PCSK6: variants seen among roughly 807,000 people sequenced by gnomAD.
PCSK6 encodes the protein proprotein convertase subtilisin/kexin type 6.
PCSK6 carries 85 observed loss-of-function variants against 123.3 expected under a neutral mutation model. That is an observed-to-expected ratio of 0.69 (90% CI 0.58 to 0.83). PCSK6 has a LOEUF of 0.83. Ranked by LOEUF, PCSK6 falls within the 40% of genes least tolerant of loss-of-function variation. The pLI, the probability that PCSK6 is intolerant of heterozygous loss-of-function variation, is 0.00. For missense variants in PCSK6, 1,191 were observed against 1,282.3 expected, an observed-to-expected ratio of 0.93 and a Z score of 1.09; for synonymous variants, 508 against 516.0, an observed-to-expected ratio of 0.98 and a Z score of 0.21.
intron 1 of PCSK6, 135 bp from the exon 2 acceptor site, chr15:101,443,795 T>G (rs2056818751): frequency 3.0e-6 from 2 of 672,836 alleles, no homozygotes; most frequent in Non-Finnish European, 5.4e-6. Context: ...ATCACCCTGC[T>G]CCTCATATCT....
chr15:101,442,103 T>C (rs556678461), intron 2 of PCSK6, among the ~76,000 whole-genome samples: 115 of 152,336 alleles, frequency 7.5e-4, no homozygotes, highest in Non-Finnish European at 1.3e-3. Context: ...GGATTAAATA[T>C]ACTGGCCCCT....
At chr15:101,480,226 G>A (rs9920216) in intron 1 of PCSK6, among the ~76,000 whole-genome samples, 3,474 of 152,334 alleles carry the variant, frequency 0.023, 137 homozygotes, top group African/African-American at 0.078. Flanking sequence ...AGTGATGGAT[G>A]CTGGCCGGTG....
intron 8 of PCSK6, among the ~76,000 whole-genome samples, chr15:101,390,829 G>A (rs1045192811): frequency 2.0e-5 from 3 of 152,196 alleles, no homozygotes; most frequent in African/African-American, 7.2e-5. Context: ...CTGGCCTACA[G>A]GACCATGAGA....
In PCSK6 at chr15:101,464,369, G is replaced by A. The variant is rs550461803; in HGVS notation, c.298-20709C>T. ...ATGTACCCACACGTGTGGACAAGGT[G>A]GTTCCCTCACAATTTGGTCATTTAA... On this transcript the variant is annotated intron_variant, in intron 1 of 21. Transcript: ENST00000611716. Among the ~76,000 whole-genome samples, 3 of 152,132 alleles carry A rather than the reference G, an allele frequency of 2.0e-5. No individual in the cohort carries two copies. The East Asian group carries it at 5.8e-4, about 30-fold the overall frequency.
At chr15:101,401,413 C>T (rs772705186) in intron 6 of PCSK6, among the ~76,000 whole-genome samples, 29 of 152,354 alleles carry the variant, frequency 1.9e-4, no homozygotes, top group East Asian at 3.9e-4. Context: ...GGCTGCAGGA[C>T]GGCCCAGGGT....
chr15:101,470,439 C>T (rs867040584), intron 1 of PCSK6, among the ~76,000 whole-genome samples: 1 of 152,272 alleles, frequency 6.6e-6, no homozygotes. Flanking sequence ...TCCCCATACA[C>T]TGTGCTGTAA....
At chr15:101,341,528 C>T (rs1332970303) in intron 13 of PCSK6, among the ~76,000 whole-genome samples, 1 of 152,120 alleles carries the variant, frequency 6.6e-6, no homozygotes, top group African/African-American at 2.4e-5. Context: ...TCCCAAAGTG[C>T]TGGGATTACA....
chr15:101,463,161 C>T, intron 1 of PCSK6: 1 of 456,248 alleles, frequency 2.2e-6, no homozygotes, highest in South Asian at 1.6e-5. Flanking sequence ...TCTTAAAAAT[C>T]ACACACAGGG....
chr15:101,355,906 C>T (rs937982066), intron 13 of PCSK6, among the ~76,000 whole-genome samples: 1 of 152,172 alleles, frequency 6.6e-6, no homozygotes, highest in Admixed American at 6.5e-5. Flanking sequence ...GCTGGGAAGG[C>T]TCCTCTCTTC....
At chr15:101,327,576 G>A (rs1254342578) in intron 15 of PCSK6, among the ~76,000 whole-genome samples, 1 of 152,236 alleles carries the variant, frequency 6.6e-6, no homozygotes, top group Non-Finnish European at 1.5e-5. Flanking sequence ...CGAGGTGTGA[G>A]TTATGAGAGG....
rs774162818 is a variant in PCSK6, at chr15:101,489,360, C to G, written c.297+14G>C. 8.6e-7 allele frequency: 1 copy of G among 1,157,304 alleles called. No homozygotes were observed. The allele number at this position is 1,157,304 out of a possible 1,614,324, so 71.7% of individuals were successfully genotyped here. On this transcript the variant is annotated intron_variant, in intron 1 of 21. Coordinates refer to ENST00000611716, the MANE Select transcript of PCSK6 (RefSeq NM_002570.5). ...CCGGGAAAGTTTTGGGCGCGCGGGGCCGGCCGCACTCACCTGGCCCAAGTT... is the reference window on the plus strand; with the variant it reads ...CCGGGAAAGTTTTGGGCGCGCGGGGGCGGCCGCACTCACCTGGCCCAAGTT...
intron 2 of PCSK6, among the ~76,000 whole-genome samples, chr15:101,434,157 T>C (rs906632293): frequency 7.2e-5 from 11 of 152,246 alleles, no homozygotes; most frequent in Admixed American, 2.6e-4. Flanking sequence ...GCTTTTTACC[T>C]GGTCTAAGAT....
At chr15:101,414,609 G>A (rs7169873) in intron 6 of PCSK6, among the ~76,000 whole-genome samples, 47,478 of 151,956 alleles carry the variant, frequency 0.31, 8,025 homozygotes, top group African/African-American at 0.45. Context: ...AGAAACATAA[G>A]TCCCAATAAC....
intron 2 of PCSK6, among the ~76,000 whole-genome samples, chr15:101,440,325 G>A (rs2141143541): frequency 6.6e-6 from 1 of 152,362 alleles, no homozygotes; most frequent in South Asian, 2.1e-4. Flanking sequence ...AATTAAGAAT[G>A]CAAGGAAAAT....
At chr15:101,421,844 A>G (rs1445711669) in intron 6 of PCSK6, among the ~76,000 whole-genome samples, 2 of 152,320 alleles carry the variant, frequency 1.3e-5, no homozygotes, top group East Asian at 3.9e-4. Context: ...TCAGCAATAG[A>G]TAACTAATAC....
chr15:101,366,167 C>A (rs758481406), intron 13 of PCSK6, 29 bp downstream of exon 13: 9 of 1,596,490 alleles, frequency 5.6e-6, no homozygotes, highest in Non-Finnish European at 7.7e-6. Flanking sequence ...GATACAAAAG[C>A]TGTCATGAGA....
intron 1 of PCSK6, 23 bp downstream of exon 1, chr15:101,489,351 C>T (rs1363995111): frequency 2.6e-6 from 3 of 1,135,308 alleles, no homozygotes; most frequent in South Asian, 5.4e-5. Flanking sequence ...AAGTTTTGGG[C>T]GCGCGGGGCC....
Position 101,322,610 on chromosome 15 carries a change from G to A in PCSK6, c.2378-3C>T, listed in dbSNP as rs747988344. Reference sequence around the variant, plus strand: ...GCATTTAAGGCAATTTTTCTGACCTGGAGAAAAATAGCGAGATAAGAAAAG... The same window carrying A: ...GCATTTAAGGCAATTTTTCTGACCTAGAGAAAAATAGCGAGATAAGAAAAG... On this transcript the variant is annotated splice_polypyrimidine_tract_variant and splice_region_variant and intron_variant, in intron 17 of 21. Coordinates refer to ENST00000611716, the MANE Select transcript of PCSK6 (RefSeq NM_002570.5). The A allele has an allele frequency of 2.2e-4, 348 of 1,591,470 alleles. No individual in the cohort carries two copies. Among genetic ancestry groups the A allele is most frequent in the Non-Finnish European group, 2.8e-4 (325 of 1,159,624 alleles).
chr15:101,316,812 T>G (rs1372456160), intron 19 of PCSK6, among the ~76,000 whole-genome samples: 1 of 151,660 alleles, frequency 6.6e-6, no homozygotes, highest in African/African-American at 2.4e-5. Context: ...CTGCATGGGG[T>G]GCTCATGGCC....
Sources: allele counts gnomAD v4.1 joint callset (sites outside exome capture counted in the v4.1 genomes callset), GRCh38; gene constraint gnomAD v4.1.1; transcripts MANE v1.5; gene names NCBI Gene and HGNC (gene_info 2026-07-23, HGNC 2026-07-21).